GPC5: variants seen among roughly 807,000 people sequenced by gnomAD.
The protein encoded by GPC5 is glypican 5, also known as glypican-5.
In GPC5, 47 loss-of-function variants were observed where a neutral mutation model predicts 53.9. The ratio of observed to expected loss-of-function variants is 0.87; its 90% confidence interval spans 0.69 to 1.11. The LOEUF (loss-of-function observed/expected upper bound fraction) is 1.11. Ranked by LOEUF, GPC5 falls within the 50% of genes most tolerant of loss-of-function variation. GPC5 has a pLI of 0.00. For synonymous variants in GPC5, 286 were observed against 263.3 expected (o/e 1.09, Z -0.84); for missense variants, 748 against 713.1 (o/e 1.05, Z -0.56).
Position 92,261,508 on chromosome 13 carries a change from GA to G in GPC5, c.1561+116528del, listed in dbSNP as rs904468144. ...AAGGATAATGCCTTCACCTTAATAG[GA>G]AAAAAAAATCTCTGTAGAGTGTGCA... On this transcript the variant is annotated intron_variant, in intron 7 of 7. Transcript: ENST00000377067. Among the ~76,000 whole-genome samples, 5 of 150,386 alleles carry G rather than the reference GA, an allele frequency of 3.3e-5. No homozygotes were observed. The East Asian group carries it at 7.8e-4, about 23-fold the overall frequency.
intron 7 of GPC5, among the ~76,000 whole-genome samples, chr13:92,627,714 G>A (rs1484715701): frequency 1.3e-5 from 2 of 152,114 alleles, no homozygotes; most frequent in African/African-American, 4.8e-5. Flanking sequence ...CTAAATCCAA[G>A]GAGCAGTTGC....
At chr13:91,511,118 T>C (rs1885210426) in intron 2 of GPC5, among the ~76,000 whole-genome samples, 1 of 152,152 alleles carries the variant, frequency 6.6e-6, no homozygotes, top group Non-Finnish European at 1.5e-5. Flanking sequence ...AGTTAAATGA[T>C]TGTCTCAGAA....
intron 2 of GPC5, among the ~76,000 whole-genome samples, chr13:91,595,516 T>C (rs1052423185): frequency 1.3e-5 from 2 of 152,180 alleles, no homozygotes; most frequent in African/African-American, 4.8e-5. Context: ...TTTTCTAATA[T>C]ATGAAGTTTT....
chr13:92,337,867 C>T (rs2043335712), intron 7 of GPC5, among the ~76,000 whole-genome samples: 1 of 152,042 alleles, frequency 6.6e-6, no homozygotes, highest in Non-Finnish European at 1.5e-5. Context: ...TAGAAGATAG[C>T]TTAGGTAAAA....
chr13:92,404,843 ATTAT>A (rs1019056124), intron 7 of GPC5, among the ~76,000 whole-genome samples: 1 of 150,030 alleles, frequency 6.7e-6, no homozygotes, highest in African/African-American at 2.5e-5. Flanking sequence ...ATCATCTTAA[ATTAT>A]TTATTAAGGT....
At chr13:92,047,183 A>G (rs1162300103) in intron 6 of GPC5, among the ~76,000 whole-genome samples, 1 of 152,174 alleles carries the variant, frequency 6.6e-6, no homozygotes, top group Non-Finnish European at 1.5e-5. Flanking sequence ...AAAGAAACCC[A>G]TACTAGTGAC....
intron 7 of GPC5, among the ~76,000 whole-genome samples, chr13:92,168,571 A>G (rs60861558): frequency 0.013 from 1,927 of 152,326 alleles, 53 homozygotes; most frequent in African/African-American, 0.043. Context: ...ATCAACAAAC[A>G]TATGAAAAAA....
At chr13:92,755,036 G>A (rs1326674393) in intron 7 of GPC5, among the ~76,000 whole-genome samples, 1 of 151,956 alleles carries the variant, frequency 6.6e-6, no homozygotes, top group South Asian at 2.1e-4. Context: ...CATTTTTTCA[G>A]CACCACACCA....
At chr13:92,396,448 G>A (rs1320178562) in intron 7 of GPC5, among the ~76,000 whole-genome samples, 3 of 148,806 alleles carry the variant, frequency 2.0e-5, no homozygotes, top group South Asian at 2.1e-4. Context: ...CCTATCTGAT[G>A]AGTCCAACAC....
chr13:91,556,486 A>G (rs535736135), intron 2 of GPC5, among the ~76,000 whole-genome samples: 2 of 151,864 alleles, frequency 1.3e-5, no homozygotes, highest in African/African-American at 4.8e-5. Context: ...CCAAATGCCC[A>G]TCAATCAATG....
At chr13:91,800,364 A>G (rs146047872) in intron 5 of GPC5, among the ~76,000 whole-genome samples, 73 of 152,188 alleles carry the variant, frequency 4.8e-4, no homozygotes, top group Non-Finnish European at 8.5e-4. Flanking sequence ...TAGTTTTCCT[A>G]TTGTGTCTTT....
At chr13:91,844,795 G>A (rs548426657) in intron 5 of GPC5, among the ~76,000 whole-genome samples, 2 of 151,836 alleles carry the variant, frequency 1.3e-5, no homozygotes, top group African/African-American at 2.4e-5. Context: ...GTGCTATCTC[G>A]GCTTGCTGCA....
intron 2 of GPC5, among the ~76,000 whole-genome samples, chr13:91,651,034 A>T (rs2034696189): frequency 6.6e-6 from 1 of 152,106 alleles, no homozygotes; most frequent in Admixed American, 6.6e-5. Context: ...GTAGTGATTT[A>T]TATTTGGCAA....
At chr13:92,743,465 G>T (rs1036134181) in intron 7 of GPC5, among the ~76,000 whole-genome samples, 1 of 151,938 alleles carries the variant, frequency 6.6e-6, no homozygotes, top group African/African-American at 2.4e-5. Flanking sequence ...AAGTTGCCTA[G>T]CAGCTTAAGG....
intron 7 of GPC5, among the ~76,000 whole-genome samples, chr13:92,638,683 A>G (rs542542279): frequency 6.6e-6 from 1 of 152,294 alleles, no homozygotes; most frequent in East Asian, 1.9e-4. Context: ...TAAGGCTTCT[A>G]TGAAAGATAA....
chr13:91,995,973 G>A (rs2040500120), intron 6 of GPC5: 1 of 152,160 alleles, frequency 6.6e-6, no homozygotes, highest in South Asian at 2.1e-4. Context: ...TTAGACAAGT[G>A]CATTACTATT....
chr13:91,646,649 C>T (rs193209270), intron 2 of GPC5, among the ~76,000 whole-genome samples: 1 of 152,072 alleles, frequency 6.6e-6, no homozygotes, highest in South Asian at 2.1e-4. Flanking sequence ...GCCCAGCAAG[C>T]AGGTAGGTAA....
chr13:92,275,629 G>A (rs1200412060), intron 7 of GPC5, among the ~76,000 whole-genome samples: 1 of 151,808 alleles, frequency 6.6e-6, no homozygotes, highest in Non-Finnish European at 1.5e-5. Flanking sequence ...CCATAATTTT[G>A]GATTCTCTAA....
At chr13:92,235,080 T>G (rs1566497314) in intron 7 of GPC5, among the ~76,000 whole-genome samples, 1 of 152,144 alleles carries the variant, frequency 6.6e-6, no homozygotes, top group Non-Finnish European at 1.5e-5. Context: ...CCAATTGACA[T>G]GAACTCAATC....
Sources: gnomAD v4.1 joint callset for allele counts (sites outside exome capture counted in the v4.1 genomes callset) on GRCh38, gnomAD v4.1.1 for gene constraint, MANE v1.5 for transcripts, NCBI Gene and HGNC (gene_info 2026-07-23, HGNC 2026-07-21) for gene names.